FOCAD: variants seen among roughly 807,000 people sequenced by gnomAD.
FOCAD encodes the protein focadhesin, also known as KIAA1797.
A neutral mutation model predicts 225.6 loss-of-function variants in FOCAD; 198 were observed. That is an observed-to-expected ratio of 0.88 (90% confidence interval 0.78 to 0.99). FOCAD has a LOEUF of 0.99. Ranked by LOEUF, FOCAD falls within the 50% of genes least tolerant of loss-of-function variation. The probability of loss-of-function intolerance (pLI) is 0.00; values close to 1 mark genes in which losing one functional copy is unlikely to be tolerated. For synonymous variants in FOCAD, 897 were observed against 755.0 expected, an observed-to-expected ratio of 1.19 and a Z score of -3.08; for missense variants, 2,713 against 2,123.6, an observed-to-expected ratio of 1.28 and a Z score of -5.46.
Position 20,798,908 on chromosome 9 carries a change from C to G in FOCAD, c.1455+9300C>G, listed in dbSNP as rs911080034. The stretch of plus-strand genomic sequence containing the variant: ...TTGCTAGCTTTTGAATGTGTTTGCT[C>G]TTGCTTCTCTAGTTCTTTTAATTGT... On this transcript the variant is annotated intron_variant, in intron 11 of 43. Transcript: ENST00000338382. Among the ~76,000 whole-genome samples the G allele has an allele frequency of 5.3e-5, 8 of 152,142 alleles. No individual in the cohort carries two copies. In the South Asian group the frequency reaches 1.5e-3, roughly 28 times the overall value.
chr9:20,924,752 G>A (rs1291822078), intron 25 of FOCAD, among the ~76,000 whole-genome samples: 1 of 152,138 alleles, frequency 6.6e-6, no homozygotes, highest in African/African-American at 2.4e-5. Flanking sequence ...TGGAATTAAA[G>A]GCAAAGCTTA....
intron 35 of FOCAD, among the ~76,000 whole-genome samples, chr9:20,963,009 T>C (rs1838901064): frequency 6.6e-6 from 1 of 152,172 alleles, no homozygotes; most frequent in African/African-American, 2.4e-5. Context: ...ACTCCCTCTC[T>C]TTCTTTCCAT....
At chr9:20,938,025 A>G (rs1836177984) in intron 28 of FOCAD, among the ~76,000 whole-genome samples, 2 of 151,974 alleles carry the variant, frequency 1.3e-5, no homozygotes, top group African/African-American at 4.8e-5. Context: ...CAAAACCACA[A>G]TGAGATACCA....
Position 20,881,859 on chromosome 9 carries a change from ATCC to A in FOCAD, c.2318-9_2318-7del, listed in dbSNP as rs745352077. 2 of 1,610,590 alleles carry A rather than the reference ATCC, an allele frequency of 1.2e-6. No homozygotes were observed. Among genetic ancestry groups the A allele is most frequent in the Non-Finnish European group, 1.7e-6 (2 of 1,179,020 alleles). On this transcript the variant is annotated splice_polypyrimidine_tract_variant and intron_variant, in intron 19 of 43. Coordinates refer to ENST00000338382, the MANE Select transcript of FOCAD (RefSeq NM_001375567.1). ...TTTACTCTACTTTTGGTCTCCTTTT[ATCC>A]TCTTTTAGCTTTGGAGGAATTTTTT...
intron 20 of FOCAD, among the ~76,000 whole-genome samples, chr9:20,883,106 C>G (rs1329598991): frequency 1.3e-5 from 2 of 152,134 alleles, no homozygotes; most frequent in Non-Finnish European, 2.9e-5. Flanking sequence ...CCATTTAGTA[C>G]TTCTGTGGTT....
intron 5 of FOCAD, among the ~76,000 whole-genome samples, chr9:20,755,684 G>C (rs1424118570): frequency 6.6e-6 from 1 of 152,190 alleles, no homozygotes; most frequent in Non-Finnish European, 1.5e-5. Flanking sequence ...TTATCTGGAA[G>C]ATTAATGGAT....
intron 30 of FOCAD, 26 bp downstream of exon 30, chr9:20,946,846 C>G: frequency 1.2e-6 from 2 of 1,611,396 alleles, no homozygotes; most frequent in Non-Finnish European, 1.7e-6. Context: ...CTGATTATTT[C>G]TCTCTGTGGG....
At chr9:20,884,363 A>G (rs1303720971) in intron 20 of FOCAD, among the ~76,000 whole-genome samples, 1 of 152,142 alleles carries the variant, frequency 6.6e-6, no homozygotes, top group Non-Finnish European at 1.5e-5. Context: ...CAGTGGCACA[A>G]TCTCAGTTCA....
At chr9:20,787,847 A>G (rs1010503589) in intron 10 of FOCAD, among the ~76,000 whole-genome samples, 4 of 152,134 alleles carry the variant, frequency 2.6e-5, no homozygotes, top group East Asian at 1.9e-4. Context: ...CACTCGAGTC[A>G]TACTATCTGT....
At position 20,814,186 on chromosome 9, in the gene FOCAD, A is replaced by C. The variant is rs1265028394; in HGVS notation, c.1456-5610A>C. The stretch of plus-strand genomic sequence containing the variant: ...TGAGCAGTTTAATCCATTTACATTG[A>C]AAGTACTTAGTGGTAGGAAAGGACT... On this transcript the variant is annotated intron_variant, in intron 11 of 43. Transcript: ENST00000338382. Among the ~76,000 whole-genome samples, 3 of 152,098 alleles carry C rather than the reference A, an allele frequency of 2.0e-5. No homozygotes were observed. In the East Asian group the frequency reaches 5.8e-4, roughly 29 times the overall value.
intron 15 of FOCAD, among the ~76,000 whole-genome samples, chr9:20,847,615 G>A (rs550464464): frequency 1.3e-5 from 2 of 151,952 alleles, no homozygotes; most frequent in South Asian, 2.1e-4. Context: ...AAGGAGGGGC[G>A]ATAATCATTC....
intron 15 of FOCAD, among the ~76,000 whole-genome samples, chr9:20,856,877 T>C (rs1329057112): frequency 6.6e-6 from 1 of 152,126 alleles, no homozygotes; most frequent in African/African-American, 2.4e-5. Flanking sequence ...TTGGCACCTT[T>C]GTCAAAAATG....
At chr9:20,679,794 AAATACAGAT>A (rs1822346919), upstream of FOCAD, among the ~76,000 whole-genome samples, 1 of 152,218 alleles carries the variant, frequency 6.6e-6, no homozygotes, top group East Asian at 1.9e-4. Context: ...AATGTCTAGA[AAATACAGAT>A]TTGAAAGGTG....
intron 10 of FOCAD, among the ~76,000 whole-genome samples, chr9:20,787,249 A>G (rs553726251): frequency 6.6e-6 from 1 of 152,094 alleles, no homozygotes; most frequent in African/African-American, 2.4e-5. Flanking sequence ...AATTATATTC[A>G]TTTACATAAG....
chr9:20,952,757 C>A (rs554809296), intron 34 of FOCAD, among the ~76,000 whole-genome samples: 22 of 151,954 alleles, frequency 1.4e-4, no homozygotes, highest in African/African-American at 5.3e-4. Flanking sequence ...CCAGACTTTT[C>A]TAACTTTGCC....
intron 18 of FOCAD, among the ~76,000 whole-genome samples, chr9:20,871,677 A>G (rs1295239096): frequency 7.0e-6 from 1 of 142,930 alleles, no homozygotes; most frequent in African/African-American, 2.6e-5. Flanking sequence ...CAAACACCGC[A>G]TGTTCTCACT....
chr9:20,764,814 C>G (rs1829915024), intron 6 of FOCAD, 55 bp from the exon 7 acceptor site: 1 of 1,375,136 alleles, frequency 7.3e-7, no homozygotes, highest in Non-Finnish European at 1.0e-6. Context: ...TGCCACTTAC[C>G]TGCTTGATAG....
chr9:20,718,939 A>T (rs1825560191), intron 3 of FOCAD, among the ~76,000 whole-genome samples: 1 of 152,194 alleles, frequency 6.6e-6, no homozygotes, highest in Non-Finnish European at 1.5e-5. Flanking sequence ...CAATGTCCTT[A>T]TGAATAAAAG....
In FOCAD at chr9:20,874,769, T is replaced by C. The variant is rs982240544; in HGVS notation, c.2279T>C (p.Leu760Pro). The C allele has an allele frequency of 6.2e-7, 1 of 1,613,740 alleles. No individual in the cohort carries two copies. The highest frequency in any genetic ancestry group is 1.1e-5 in the South Asian group (1 of 91,080). The change falls in exon 19 of 44, where the codon CTC (leucine) becomes CCC (proline). Residue 760 changes from leucine to proline, a missense_variant. By Grantham distance (98) the Leu-to-Pro change is moderately conservative. Transcript: ENST00000338382. ...VDLSVPGSCYLKLLSLTPPLV... is the reference protein window; with the variant it reads ...VDLSVPGSCYPKLLSLTPPLV... ...CTTTCAGTTCCTGGCTCTTGCTATC[T>C]CAAACTGTTGTCACTCACTCCCCCT...
Sources: gnomAD v4.1 joint callset for allele counts (sites outside exome capture counted in the v4.1 genomes callset) on GRCh38, gnomAD v4.1.1 for gene constraint, MANE v1.5 for transcripts, NCBI Gene and HGNC (gene_info 2026-07-23, HGNC 2026-07-21) for gene names.